CUBN: variants seen among roughly 807,000 people sequenced by gnomAD.
CUBN encodes the protein cubilin, also known as 460 kDa receptor.
In CUBN, 282 loss-of-function variants were observed where a neutral mutation model predicts 405.3. The observed-to-expected ratio is 0.70, with a 90% CI of 0.63 to 0.77. The LOEUF is 0.77. Ranked by LOEUF, CUBN falls within the 30% of genes least tolerant of loss-of-function variation. The pLI is 0.00. For synonymous variants in CUBN, 1,684 were observed against 1,617.0 expected (o/e 1.04, Z -0.99); for missense variants, 4,514 against 4,475.2 (o/e 1.01, Z -0.25).
chr10:17,116,956 A>G (rs1312171215), intron 6 of CUBN, among the ~76,000 whole-genome samples: 2 of 150,162 alleles, frequency 1.3e-5, no homozygotes. Context: ...TGGTATAAAT[A>G]TGTTCCATGC....
intron 6 of CUBN, 24 bp downstream of exon 6, chr10:17,122,771 A>AT: frequency 4.2e-6 from 6 of 1,416,122 alleles, no homozygotes; most frequent in Non-Finnish European, 6.0e-6. Flanking sequence ...ACTGATATTT[A>AT]CCAAAAAAAA....
intron 13 of CUBN, among the ~76,000 whole-genome samples, chr10:17,101,997 C>A (rs10795445): frequency 6.6e-6 from 1 of 152,058 alleles, no homozygotes; most frequent in Non-Finnish European, 1.5e-5. Context: ...CATTTTTGCA[C>A]AATAATCAAC....
intron 27 of CUBN, among the ~76,000 whole-genome samples, chr10:17,024,576 T>G (rs1050791411): frequency 1.3e-5 from 2 of 152,136 alleles, no homozygotes; most frequent in Non-Finnish European, 2.9e-5. Flanking sequence ...TGCAATAAGG[T>G]TAACTGTAGC....
chr10:17,022,919 G>C (rs1410236731), intron 27 of CUBN, among the ~76,000 whole-genome samples: 1 of 152,106 alleles, frequency 6.6e-6, no homozygotes, highest in Non-Finnish European at 1.5e-5. Context: ...CAAAACATAG[G>C]TAAGATTTCT....
chr10:17,038,850 G>A (rs542978721), intron 27 of CUBN, among the ~76,000 whole-genome samples: 1 of 152,148 alleles, frequency 6.6e-6, no homozygotes, highest in Non-Finnish European at 1.5e-5. Flanking sequence ...TGAACTTCTG[G>A]TTCTCATTTT....
intron 28 of CUBN, among the ~76,000 whole-genome samples, chr10:17,008,458 G>GTGTGTGTGTGTT (rs1471234210): frequency 5.0e-4 from 74 of 147,728 alleles, no homozygotes; most frequent in Non-Finnish European, 1.8e-4. Context: ...GTGTGTGTGT[G>GTGTGTGTGTGTT]TGTGTGCGCG....
In CUBN at chr10:16,989,777, G is replaced by T. The variant is rs916131854; in HGVS notation, c.4350+557C>A. On this transcript the variant is annotated intron_variant, in intron 29 of 66. Coordinates refer to ENST00000377833, the MANE Select transcript of CUBN (RefSeq NM_001081.4). ...TAGGTGGCCATTTTTTTACAAAAGC[G>T]CTCTGCGGCAGATGGCCCTGGCGGC... 3.3e-5 allele frequency among the ~76,000 whole-genome samples: 5 copies of T among 152,242 alleles called. No homozygotes were observed. In the South Asian group the frequency reaches 1.0e-3, roughly 32 times the overall value.
intron 28 of CUBN, among the ~76,000 whole-genome samples, chr10:16,991,631 GT>G (rs1197680038): frequency 3.3e-3 from 105 of 32,060 alleles, no homozygotes; most frequent in South Asian, 0.013. Flanking sequence ...CTCTTTTTCT[GT>G]TTTTTTTTTT....
intron 58 of CUBN, among the ~76,000 whole-genome samples, chr10:16,872,653 T>C (rs1298707008): frequency 6.6e-6 from 1 of 152,208 alleles, no homozygotes; most frequent in Admixed American, 6.5e-5. Context: ...CTTGGACTTT[T>C]GCAGCCTTTT....
intron 50 of CUBN, 36 bp downstream of exon 50, chr10:16,906,167 G>A: frequency 2.1e-6 from 3 of 1,432,102 alleles, no homozygotes; most frequent in Non-Finnish European, 3.0e-6. Flanking sequence ...GAATATTGTA[G>A]ATAAATGGGA....
chr10:17,091,634 G>A (rs886180146), intron 14 of CUBN, among the ~76,000 whole-genome samples: 1 of 152,142 alleles, frequency 6.6e-6, no homozygotes, highest in Admixed American at 6.6e-5. Flanking sequence ...TAGAGAAAGT[G>A]CAAAAGAGGC....
intron 34 of CUBN, among the ~76,000 whole-genome samples, chr10:16,948,926 A>C (rs1335723170): frequency 6.6e-6 from 1 of 152,142 alleles, no homozygotes; most frequent in Non-Finnish European, 1.5e-5. Flanking sequence ...ATACAAATAA[A>C]TGCACTAATA....
intron 49 of CUBN, among the ~76,000 whole-genome samples, chr10:16,906,909 CACTTCTAAATTTTAAA>C (rs149809680): frequency 0.025 from 3,789 of 152,234 alleles, 154 homozygotes; most frequent in East Asian, 0.14. Context: ...TATTCACTCC[CACTTCTAAATTTTAAA>C]ACTTCTAAAT....
intron 22 of CUBN, among the ~76,000 whole-genome samples, chr10:17,056,057 T>G (rs1835388350): frequency 6.6e-6 from 1 of 152,024 alleles, no homozygotes; most frequent in African/African-American, 2.4e-5. Context: ...TGTTCTATTG[T>G]TAAAGGGGTA....
intron 4 of CUBN, among the ~76,000 whole-genome samples, chr10:17,123,980 T>C (rs1837108942): frequency 6.6e-6 from 1 of 152,180 alleles, no homozygotes; most frequent in African/African-American, 2.4e-5. Flanking sequence ...AGTATTATTC[T>C]CACCTGAGAA....
At chr10:16,919,850 C>G (rs1841983234) in intron 44 of CUBN, 113 bp downstream of exon 44, 1 of 1,152,048 alleles carries the variant, frequency 8.7e-7, no homozygotes, top group Non-Finnish European at 1.3e-6. Context: ...TTTCCCTTTT[C>G]CCCTAGATTT....
intron 21 of CUBN, 52 bp downstream of exon 21, chr10:17,068,012 C>T: frequency 1.4e-6 from 2 of 1,412,730 alleles, no homozygotes; most frequent in East Asian, 4.6e-5. Context: ...TTCACTGAAG[C>T]AGGAAATCAG....
chr10:16,891,263 A>G lies in CUBN; in HGVS notation c.8599-736T>C, dbSNP rs78649270. On this transcript the variant is annotated intron_variant, in intron 54 of 66. Coordinates refer to ENST00000377833, the MANE Select transcript of CUBN (RefSeq NM_001081.4). ...AAACCAATTCTTATCAGTCCAGGGA[A>G]AAACAGAGACATGAATCACAGAATC... Among the ~76,000 whole-genome samples, 9 of 152,344 alleles carry G rather than the reference A, an allele frequency of 5.9e-5. No individual in the cohort carries two copies. The East Asian group carries it at 1.7e-3, about 29-fold the overall frequency.
intron 28 of CUBN, among the ~76,000 whole-genome samples, chr10:17,005,702 C>G (rs951449038): frequency 6.6e-6 from 1 of 152,108 alleles, no homozygotes; most frequent in African/African-American, 2.4e-5. Context: ...GTATATATTT[C>G]TACACTTGGT....
Sources: gnomAD v4.1 joint callset for allele counts (sites outside exome capture counted in the v4.1 genomes callset) on GRCh38, gnomAD v4.1.1 for gene constraint, MANE v1.5 for transcripts, NCBI Gene and HGNC (gene_info 2026-07-23, HGNC 2026-07-21) for gene names.